Variants in DNAJC11 observed in about 807,000 individuals in gnomAD.
DNAJC11 encodes DnaJ heat shock protein family (Hsp40) member C11.
DNAJC11 carries 15 observed loss-of-function variants against 78.6 expected under a neutral mutation model. The observed-to-expected ratio is 0.19, with a 90% CI of 0.13 to 0.29. The LOEUF (loss-of-function observed/expected upper bound fraction) is 0.29, where lower values mean the gene tolerates loss of function less well. DNAJC11 is among the 10% of genes least tolerant of loss of function. The pLI, the probability that DNAJC11 is intolerant of heterozygous loss-of-function variation, is 1.00. For synonymous variants in DNAJC11, 292 were observed against 272.1 expected, an observed-to-expected ratio of 1.07 and a Z score of -0.72; for missense variants, 547 against 709.6, an observed-to-expected ratio of 0.77 and a Z score of 2.60.
At position 6,640,071 on chromosome 1, in the gene DNAJC11, C is replaced by CAAAAAAAAA. The variant is rs56145914; in HGVS notation, c.1098-23_1098-15dup. The CAAAAAAAAA allele has an allele frequency of 2.5e-6, 3 of 1,219,030 alleles. No individual in the cohort carries two copies. Among genetic ancestry groups the CAAAAAAAAA allele is most frequent in the Admixed American group, 4.4e-5 (1 of 22,660 alleles). The allele number at this position is 1,219,030 out of a possible 1,614,324, so 75.5% of individuals were successfully genotyped here. ...GCCCTGTTGAGCCTGGGGAAAAATACAAAAAAAAAAAAAAAAAAGCCAAGA... is the reference window on the plus strand; with the variant it reads ...GCCCTGTTGAGCCTGGGGAAAAATACAAAAAAAAAAAAAAAAAAAAAAAAAAAGCCAAGA... On this transcript the variant is annotated splice_polypyrimidine_tract_variant and intron_variant, in intron 10 of 15. Coordinates refer to ENST00000377577, the MANE Select transcript of DNAJC11 (RefSeq NM_018198.4).
chr1:6,701,699 G>GC, intron 1 of DNAJC11, 30 bp downstream of exon 1: 1 of 1,518,962 alleles, frequency 6.6e-7, no homozygotes, highest in Admixed American at 2.1e-5. Context: ...CTCGGCCTCA[G>GC]CCCCCAGAGC....
intron 10 of DNAJC11, among the ~76,000 whole-genome samples, chr1:6,641,495 A>G (rs1641877998): frequency 6.6e-6 from 1 of 151,656 alleles, no homozygotes; most frequent in Non-Finnish European, 1.5e-5. Flanking sequence ...AGAAGACTAA[A>G]AAAGCTATAT....
intron 4 of DNAJC11, among the ~76,000 whole-genome samples, chr1:6,665,519 T>A (rs1642280879): frequency 6.6e-6 from 1 of 152,242 alleles, no homozygotes. Flanking sequence ...CATCTGGTTA[T>A]CACTCAATAT....
chr1:6,646,688 C>T (rs1048507855), intron 7 of DNAJC11, among the ~76,000 whole-genome samples: 1 of 152,078 alleles, frequency 6.6e-6, no homozygotes, highest in African/African-American at 2.4e-5. Flanking sequence ...CCAAGGGAGT[C>T]CAGCCCCATC....
At position 6,684,630 on chromosome 1, in the gene DNAJC11, A is replaced by G. The variant is rs762314430; in HGVS notation, c.73-3593T>C. On this transcript the variant is annotated intron_variant, in intron 1 of 15. Coordinates refer to ENST00000377577, the MANE Select transcript of DNAJC11 (RefSeq NM_018198.4). ...TCATTTTTAATAAATATCACATTCA[A>G]TAAAAGGTTAGATTGGTCCTTTCAT... Among the ~76,000 whole-genome samples the G allele has an allele frequency of 1.4e-3, 214 of 152,340 alleles. 2 individuals are homozygous for G. Among genetic ancestry groups the G allele is most frequent in the Non-Finnish European group, 6.2e-4 (42 of 68,036 alleles).
chr1:6,643,725 C>T (rs1310277283), intron 10 of DNAJC11, among the ~76,000 whole-genome samples: 2 of 152,114 alleles, frequency 1.3e-5, no homozygotes, highest in African/African-American at 4.8e-5. Flanking sequence ...GGGATAGCTG[C>T]CAGGCCAGTG....
chr1:6,701,018 T>C (rs1642916848), intron 1 of DNAJC11, among the ~76,000 whole-genome samples: 1 of 152,178 alleles, frequency 6.6e-6, no homozygotes, highest in Non-Finnish European at 1.5e-5. Context: ...TTATCTTTTA[T>C]TCGTTGAGGA....
chr1:6,657,173 T>C (rs982972819), intron 4 of DNAJC11, among the ~76,000 whole-genome samples: 1 of 152,124 alleles, frequency 6.6e-6, no homozygotes, highest in Non-Finnish European at 1.5e-5. Context: ...TGCGTGGATG[T>C]GATGGTGCTG....
intron 14 of DNAJC11, 38 bp from the exon 15 acceptor site, chr1:6,636,284 G>T (rs371049527): frequency 8.1e-6 from 13 of 1,610,144 alleles, no homozygotes; most frequent in African/African-American, 1.3e-5. Flanking sequence ...TACTCCAGAC[G>T]GTCTAAGACC....
chr1:6,681,704 G>GA (rs1642555720), intron 1 of DNAJC11, among the ~76,000 whole-genome samples: 1 of 152,124 alleles, frequency 6.6e-6, no homozygotes, highest in Non-Finnish European at 1.5e-5. Flanking sequence ...TTTAACCACA[G>GA]TGGGGGGGGC....
intron 1 of DNAJC11, among the ~76,000 whole-genome samples, chr1:6,698,626 T>TA (rs35596906): frequency 0.035 from 5,150 of 145,942 alleles, 287 homozygotes; most frequent in African/African-American, 0.12. Context: ...TTGGGAGAAG[T>TA]AAAAAAAAAA....
At chr1:6,690,699 C>T (rs547748989) in intron 1 of DNAJC11, among the ~76,000 whole-genome samples, 5 of 151,990 alleles carry the variant, frequency 3.3e-5, no homozygotes, top group African/African-American at 4.8e-5. Context: ...CTGAGGTGGG[C>T]GGATCACGAG....
chr1:6,641,517 A>C (rs943910128), intron 10 of DNAJC11, among the ~76,000 whole-genome samples: 1 of 151,806 alleles, frequency 6.6e-6, no homozygotes, highest in Non-Finnish European at 1.5e-5. Flanking sequence ...GTAACAGATA[A>C]GGTAGACTTC....
In DNAJC11 at chr1:6,653,570, T is replaced by C. The variant is rs2148733908; in HGVS notation, c.507+341A>G. On this transcript the variant is annotated intron_variant, in intron 5 of 15. Transcript: ENST00000377577. This position sits in a 1 kb window ranked among gnomAD's most constrained non-coding sequence, Gnocchi z 4.5. ...CACCTAGCAGAATTTGCCTTAAAAC[T>C]AAAACTGGTTGTTAGAATGATCCAT... 6.6e-6 allele frequency among the ~76,000 whole-genome samples: 1 copy of C among 152,266 alleles called. No homozygotes were observed. Among genetic ancestry groups the C allele is most frequent in the Non-Finnish European group, 1.5e-5 (1 of 68,020 alleles).
rs1642539460 is a variant in DNAJC11, at chr1:6,680,805, A to G, written c.202+103T>C. ...GTACTAAACTAACCACCTGTTTTAT[A>G]TACCTCTAAGGACTCTCTTTTTCTA... On this transcript the variant is annotated intron_variant, in intron 2 of 15. Coordinates refer to ENST00000377577, the MANE Select transcript of DNAJC11 (RefSeq NM_018198.4). The surrounding 1 kb of genome is among the most constrained non-coding windows in gnomAD (Gnocchi z 4.0). The G allele has an allele frequency of 4.3e-6, 6 of 1,403,704 alleles. No individual in the cohort carries two copies. Among genetic ancestry groups the G allele is most frequent in the Non-Finnish European group, 4.8e-6 (5 of 1,034,376 alleles). The allele number at this position is 1,403,704 out of a possible 1,614,324, so 87.0% of individuals were successfully genotyped here.
intron 7 of DNAJC11, among the ~76,000 whole-genome samples, chr1:6,647,557 C>A (rs190999743): frequency 1.3e-5 from 2 of 152,162 alleles, no homozygotes; most frequent in Non-Finnish European, 2.9e-5. Flanking sequence ...CGGTGGCTCA[C>A]GCCTGTAATC....
chr1:6,639,025 C>G (rs1641831718), intron 11 of DNAJC11, among the ~76,000 whole-genome samples: 1 of 152,162 alleles, frequency 6.6e-6, no homozygotes, highest in East Asian at 1.9e-4. Flanking sequence ...AGAGGAGATT[C>G]ATTCCTTTAT....
rs2148724899 is a variant in DNAJC11 at position 6,635,351 on chromosome 1, A to G, written c.*324T>C. 3.7e-6 allele frequency: 1 copy of G among 271,206 alleles called. No homozygotes were observed. Among genetic ancestry groups the G allele is most frequent in the Non-Finnish European group, 7.1e-6 (1 of 141,668 alleles). 16.8% of individuals were successfully genotyped at this position (271,206 alleles called of 1,614,324 possible). On this transcript the variant is annotated 3_prime_UTR_variant, in exon 16 of 16. Coordinates refer to ENST00000377577, the MANE Select transcript of DNAJC11 (RefSeq NM_018198.4). Reference sequence around the variant, plus strand: ...ACCTCCAGACCCAGCCAAGAACTACAGGGCGGCGGGCTGCGGTCAGCACGT... The same window carrying G: ...ACCTCCAGACCCAGCCAAGAACTACGGGGCGGCGGGCTGCGGTCAGCACGT...
In DNAJC11 at chr1:6,645,911, G is replaced by A. The variant is rs764758434; in HGVS notation, c.772C>T (p.Leu258=). The A allele has an allele frequency of 3.9e-5, 63 of 1,614,212 alleles. No homozygotes were observed. In the South Asian group the frequency reaches 6.4e-4, roughly 16 times the overall value. The part of the protein sequence containing the change: ...RGIRPGLTTV[L]ARNLDKNTVG... The stretch of plus-strand genomic sequence containing the variant: ...GTGTTCTTGTCTAGGTTCCGAGCTA[G>A]GACAGTGGTCAGGCCGGGTCGGATT... The change falls in exon 8 of 16, where the codon CTA becomes TTA. Residue 258 remains leucine, a synonymous_variant. Transcript: ENST00000377577. This position sits in a 1 kb window ranked among gnomAD's most constrained non-coding sequence, Gnocchi z 4.1.
Sources: gnomAD v4.1 joint callset for allele counts (sites outside exome capture counted in the v4.1 genomes callset) on GRCh38, gnomAD v4.1.1 for gene constraint, Gnocchi (gnomAD v3.1) non-coding constraint, MANE v1.5 for transcripts, NCBI Gene and HGNC (gene_info 2026-07-23, HGNC 2026-07-21) for gene names.